The following TTN variants were observed in gnomAD, a reference collection of about 807,000 sequenced individuals.
TTN encodes the protein titin.
TTN carries 1,525 observed loss-of-function variants against 3,223.0 expected under a neutral mutation model. The ratio of observed to expected loss-of-function variants is 0.47; its 90% CI spans 0.45 to 0.49. TTN has a LOEUF of 0.49. Among genes scored for constraint, TTN ranks in the 20% least tolerant of loss-of-function variants. The pLI is 0.00. For synonymous variants in TTN, 14,094 were observed against 15,161.0 expected (o/e 0.93, Z 5.17); for missense variants, 40,786 against 43,424.0 (o/e 0.94, Z 5.40).
rs1365008673 is a variant in TTN, at chr2:178,790,839, G to A, written c.1669C>T (p.Gln557Ter). The A allele has an allele frequency of 6.2e-7, 1 of 1,614,010 alleles. No individual in the cohort carries two copies. The highest frequency in any genetic ancestry group is 1.1e-5 in the South Asian group (1 of 91,082). The stretch of plus-strand genomic sequence containing the variant: ...GATGCAGCAGTTATCTCAGTTTCCT[G>A]TCTTATCTGATGTTTAGAGTAAAAT... Reference protein sequence around the residue: ...QKQVTQEAIRQETEITAASMV... With the variant: ...QKQVTQEAIR Residue 557 changes from glutamine (Q) to a stop codon, truncating the protein, a stop_gained, in exon 11 of 363, where the codon CAG becomes TAG. Coordinates refer to ENST00000589042, the MANE Select transcript of TTN (RefSeq NM_001267550.2). LOFTEE classifies it high-confidence loss of function.
chr2:178,732,774 A>T, intron 55 of TTN, 56 bp from the exon 56 acceptor site: 1 of 1,564,382 alleles, frequency 6.4e-7, no homozygotes, highest in South Asian at 1.2e-5. Flanking sequence ...GATCTAAGGG[A>T]AGATGACTTA....
Position 178,613,265 on chromosome 2 carries a change from A to G in TTN, c.49544T>C (p.Leu16515Pro). The G allele has an allele frequency of 6.2e-7, 1 of 1,609,350 alleles. No individual in the cohort carries two copies. The highest frequency in any genetic ancestry group is 8.5e-7 in the Non-Finnish European group (1 of 1,178,020). ...GAATCTGTATTTTTTCTTATTAGTG[A>G]GACCTTTCACTCTGAATTAGGAACA... ...VKDTTYRVKG[L>P]TNKKKYRFRV... Residue 16515 changes from leucine (L) to proline (P), a missense_variant, in exon 264 of 363, where the codon CTC becomes CCC. Coordinates refer to ENST00000589042, the MANE Select transcript of TTN (RefSeq NM_001267550.2).
chr2:178,572,558 T>A lies in TTN; in HGVS notation c.73574A>T (p.Asp24525Val). The change falls in exon 326 of 363, where the codon GAT becomes GTT. Residue 24525 changes from aspartate (D) to valine (V), a missense_variant. Coordinates refer to ENST00000589042, the MANE Select transcript of TTN (RefSeq NM_001267550.2). ...CTTAGTGACCTCTTTTACCTTCAGATCCTGTGGGGGGCCTGGTGTATCGAG... is the reference window on the plus strand; with the variant it reads ...CTTAGTGACCTCTTTTACCTTCAGAACCTGTGGGGGGCCTGGTGTATCGAG... The part of the protein sequence containing the change: ...RVLDTPGPPQ[D>V]LKVKEVTKTS... 6.2e-7 allele frequency: 1 copy of A among 1,613,504 alleles called. No homozygotes were observed.
chr2:178,702,604 C>T lies in TTN; in HGVS notation c.30283G>A (p.Ala10095Thr), dbSNP rs201635835. Residue 10095 changes from alanine to threonine, a missense_variant, in exon 107 of 363, where the codon GCC becomes ACC. Ala to Thr is a moderately conservative substitution (Grantham distance 58, BLOSUM62 0). Transcript: ENST00000589042. ...QNIVVSEHQS[A>T]TFECEVSFDD... is the part of the protein sequence containing the mutation. Reference sequence around the variant, plus strand: ...AAGGACACTTCACACTCAAAGGTGGCAGACTGATGCTCACTCACCACGATG... The same window carrying T: ...AAGGACACTTCACACTCAAAGGTGGTAGACTGATGCTCACTCACCACGATG... The T allele has an allele frequency of 8.7e-5, 141 of 1,613,984 alleles. No individual in the cohort carries two copies. The highest frequency in any genetic ancestry group is 1.1e-4 in the Non-Finnish European group (133 of 1,179,876).
At chr2:178,594,765 T>A (rs2154187465) in intron 295 of TTN, 119 bp from the exon 296 acceptor site, 1 of 784,308 alleles carries the variant, frequency 1.3e-6, no homozygotes, top group East Asian at 2.6e-5. Context: ...TCTGCTCCCA[T>A]AAATAGCAAA....
Position 178,774,108 on chromosome 2 carries a change from G to T in TTN, c.7060C>A (p.Arg2354Ser). 6.2e-7 allele frequency: 1 copy of T among 1,614,004 alleles called. No individual in the cohort carries two copies. Among genetic ancestry groups the T allele is most frequent in the Non-Finnish European group, 8.5e-7 (1 of 1,179,974 alleles). Residue 2354 changes from arginine to serine, a missense_variant and splice_region_variant, in exon 31 of 363, where the codon CGC (arginine) becomes AGC (serine). Physicochemically the swap from Arg to Ser is moderately radical, Grantham distance 110. Coordinates refer to ENST00000589042, the MANE Select transcript of TTN (RefSeq NM_001267550.2). ...KTTCKLKMKP[R>S]PIAILQGLSD... ...AGTCCTTGTAGGATAGCAATGGGGC[G>T]GGCTGTGAAATATGGGGAGAAAAAG...
rs1576867995 is a variant in TTN, at chr2:178,646,009, A to G, written c.40319T>C (p.Ile13440Thr). Reference sequence around the variant, plus strand: ...TCTTGGTTTGAGTTTTGGCTTCTCAATAACCTTTTCAGGTTCAGGTTCTTG... The same window carrying G: ...TCTTGGTTTGAGTTTTGGCTTCTCAGTAACCTTTTCAGGTTCAGGTTCTTG... ...PVKEPEPEKV[I>T]EKPKLKPRPP... Residue 13440 changes from isoleucine to threonine, a missense_variant, in exon 217 of 363, where the codon ATT (isoleucine) becomes ACT (threonine). Ile to Thr is a moderately conservative substitution (Grantham distance 89). Coordinates refer to ENST00000589042, the MANE Select transcript of TTN (RefSeq NM_001267550.2). 2 of 1,572,436 alleles carry G rather than the reference A, an allele frequency of 1.3e-6. No individual in the cohort carries two copies. The highest frequency in any genetic ancestry group is 1.4e-5 in the African/African-American group (1 of 72,332).
At chr2:178,792,782 A>C in intron 9 of TTN, among the ~76,000 whole-genome samples, 1 of 152,226 alleles carries the variant, frequency 6.6e-6, no homozygotes, top group Non-Finnish European at 1.5e-5. Flanking sequence ...GAAACACAGG[A>C]TCTCAAGGCT....
chr2:178,723,865 T>C lies in TTN; in HGVS notation c.21394A>G (p.Thr7132Ala), dbSNP rs1450786655. Residue 7132 changes from threonine (T) to alanine (A), a missense_variant, in exon 73 of 363, where the codon ACT becomes GCT. By Grantham distance (58) the Thr-to-Ala change is moderately conservative. Transcript: ENST00000589042. The part of the protein sequence containing the change: ...AGSDECRAVL[T>A]VQEPPSFVKE... ...TTGACTGTCTACTGACCTTGTACAG[T>C]TAGCACTGCACGACATTCATCAGAC... The C allele has an allele frequency of 5.0e-6, 8 of 1,609,536 alleles. No individual in the cohort carries two copies. Among genetic ancestry groups the C allele is most frequent in the Non-Finnish European group, 8.5e-7 (1 of 1,176,906 alleles).
chr2:178,550,273 AC>A lies in TTN; in HGVS notation c.91565-1del. On this transcript the variant is annotated splice_acceptor_variant, in intron 336 of 362. Coordinates refer to ENST00000589042, the MANE Select transcript of TTN (RefSeq NM_001267550.2). LOFTEE classifies it high-confidence loss of function. The stretch of plus-strand genomic sequence containing the variant: ...AGGGCCAAACTCTACTATTGGTGGA[AC>A]TATAAAAGAAAGAGAAATACTATGT... 1 of 1,603,370 alleles carries A rather than the reference AC, an allele frequency of 6.2e-7. No homozygotes were observed. Among genetic ancestry groups the A allele is most frequent in the Non-Finnish European group, 8.5e-7 (1 of 1,174,530 alleles).
Position 178,608,709 on chromosome 2 carries a change from T to C in TTN, c.52302A>G (p.Lys17434=), listed in dbSNP as rs772163329. The change falls in exon 274 of 363, where the codon AAA becomes AAG. Residue 17434 remains lysine (K), a synonymous_variant. Transcript: ENST00000589042. The stretch of plus-strand genomic sequence containing the variant: ...AGAGGTACTCTTTTCCTTCAATCAG[T>C]TTTGTTACTGAATATTTGCAATGTC... The part of the protein sequence containing the change: ...TLRHCKYSVT[K]LIEGKEYLFR... The C allele has an allele frequency of 6.2e-7, 1 of 1,612,390 alleles. No homozygotes were observed. The highest frequency in any genetic ancestry group is 8.5e-7 in the Non-Finnish European group (1 of 1,179,192).
rs767168734 is a variant in TTN at position 178,694,807 on chromosome 2, C to G, written c.31348+22G>C. Reference sequence around the variant, plus strand: ...AACATATTACTTGTGTACATGGGTGCTAGGAATGTTTTAAATAATACCTTT... The same window carrying G: ...AACATATTACTTGTGTACATGGGTGGTAGGAATGTTTTAAATAATACCTTT... On this transcript the variant is annotated intron_variant, in intron 116 of 362. Transcript: ENST00000589042. 5.8e-6 allele frequency: 9 copies of G among 1,539,984 alleles called. No individual in the cohort carries two copies. In the South Asian group the frequency reaches 7.2e-5, roughly 12 times the overall value.
rs1060500557 is a variant in TTN, at chr2:178,601,382, C to T, written c.55615G>A (p.Val18539Ile). ...VNPDCGSTTF[V>I]VPDLLSEQQY... ...TGTTCAGAGAGGAGATCAGGCACTACAAATGTGGTGCTTCCACAGTCTGGA... is the reference window on the plus strand; with the variant it reads ...TGTTCAGAGAGGAGATCAGGCACTATAAATGTGGTGCTTCCACAGTCTGGA... Residue 18539 changes from valine to isoleucine, a missense_variant, in exon 287 of 363, where the codon GTA (valine) becomes ATA (isoleucine). Physicochemically the swap from Val to Ile is conservative, Grantham distance 29. Transcript: ENST00000589042. 1.2e-6 allele frequency: 2 copies of T among 1,612,780 alleles called. No individual in the cohort carries two copies. Among genetic ancestry groups the T allele is most frequent in the Non-Finnish European group, 1.7e-6 (2 of 1,179,294 alleles).
In TTN at chr2:178,722,919, G is replaced by A. The variant is rs727504975; in HGVS notation, c.21980C>T (p.Thr7327Met). 8.8e-5 allele frequency: 141 copies of A among 1,610,976 alleles called. 2 individuals carry two copies. In the South Asian group the frequency reaches 1.2e-3, roughly 14 times the overall value. Residue 7327 changes from threonine to methionine, a missense_variant, in exon 76 of 363, where the codon ACG becomes ATG. Coordinates refer to ENST00000589042, the MANE Select transcript of TTN (RefSeq NM_001267550.2). ...VSTLEPPYFV[T>M]ELEPLEAAVG... ...TGCTGCCTCCAGAGGTTCCAGTTCCGTAACAAAATAAGGCGGTTCTAAGGA... is the reference window on the plus strand; with the variant it reads ...TGCTGCCTCCAGAGGTTCCAGTTCCATAACAAAATAAGGCGGTTCTAAGGA...
intron 351 of TTN, 28 bp from the exon 352 acceptor site, chr2:178,539,994 A>G (rs1392608371): frequency 6.2e-7 from 1 of 1,608,042 alleles, no homozygotes; most frequent in South Asian, 1.1e-5. Flanking sequence ...GTTTCAATTT[A>G]GCATTTGGGG....
At position 178,773,576 on chromosome 2, in the gene TTN, T is replaced by C; in HGVS notation, c.7480A>G (p.Ile2494Val). The C allele has an allele frequency of 3.7e-6, 6 of 1,614,084 alleles. No individual in the cohort carries two copies. The highest frequency in any genetic ancestry group is 5.1e-6 in the Non-Finnish European group (6 of 1,179,960). The stretch of plus-strand genomic sequence containing the variant: ...AGTCGCTGTTTAGTACCTTTCACAA[T>C]GGCCTGTACACGGTCATCAGGCTTG... ...QIKPDDRVQA[I>V]VKGTKQRLVI... Residue 2494 changes from isoleucine to valine, a missense_variant, in exon 32 of 363, where the codon ATT becomes GTT. Transcript: ENST00000589042.
Position 178,764,716 on chromosome 2 carries a change from G to T in TTN, c.9799C>A (p.Gln3267Lys). 1.2e-6 allele frequency: 2 copies of T among 1,614,140 alleles called. No homozygotes were observed. Among genetic ancestry groups the T allele is most frequent in the Non-Finnish European group, 1.7e-6 (2 of 1,180,000 alleles). Residue 3267 changes from glutamine to lysine, a missense_variant, in exon 42 of 363, where the codon CAG (glutamine) becomes AAG (lysine). Coordinates refer to ENST00000589042, the MANE Select transcript of TTN (RefSeq NM_001267550.2). ...RFCAVISGRP[Q>K]PKISWYKEEQ... ...TCCTTGTACCAGGAAATTTTGGGCT[G>T]TGGTCTTCCGGATATCACGGCACAG...
At position 178,660,874 on chromosome 2, in the gene TTN, A is replaced by G. The variant is rs1335393579; in HGVS notation, c.37285+885T>C. Among the ~76,000 whole-genome samples, 3 of 130,618 alleles carry G rather than the reference A, an allele frequency of 2.3e-5. No individual in the cohort carries two copies. The Admixed American group carries it at 2.4e-4, about 10-fold the overall frequency. 85.7% of individuals were successfully genotyped at this position (130,618 alleles called of 152,430 possible). A position where few individuals can be genotyped will look rare whatever the true frequency, so the allele number is the denominator to read the frequency against. On this transcript the variant is annotated intron_variant, in intron 180 of 362. Transcript: ENST00000589042. ...CAACAAGTGGGCGAAGGATACAAAC[A>G]GACACTTCTCAAAAAAAGACATTTA... is the stretch of plus-strand genomic sequence containing the variant.
At chr2:178,780,491 CA>C (rs1167409993) in intron 21 of TTN, among the ~76,000 whole-genome samples, 1 of 152,188 alleles carries the variant, frequency 6.6e-6, no homozygotes, top group Non-Finnish European at 1.5e-5. Flanking sequence ...TGTCTTTTAA[CA>C]ATTCATTTAC....
Sources: allele counts gnomAD v4.1 joint callset (sites outside exome capture counted in the v4.1 genomes callset), GRCh38; gene constraint gnomAD v4.1.1; transcripts MANE v1.5; gene names NCBI Gene and HGNC (gene_info 2026-07-23, HGNC 2026-07-21).